The following KIZ variants were observed in gnomAD, a reference collection of about 807,000 sequenced individuals.
KIZ encodes the protein kizuna centrosomal protein, also known as centrosomal protein kizuna.
In KIZ, 68 loss-of-function variants were observed where a neutral mutation model predicts 79.6. The observed-to-expected ratio is 0.85, with a 90% confidence interval of 0.70 to 1.05. The LOEUF (loss-of-function observed/expected upper bound fraction) is 1.05, where lower values mean the gene tolerates loss of function less well. KIZ is among the 50% of genes least tolerant of loss of function. The probability of loss-of-function intolerance (pLI) is 0.00; values close to 1 mark genes in which losing one functional copy is unlikely to be tolerated. For missense variants in KIZ, 797 were observed against 800.4 expected (o/e 1.00, Z 0.05); for synonymous variants, 280 against 281.8 (o/e 0.99, Z 0.06).
At chr20:21,130,112 T>TC (rs113567114) in intron 1 of KIZ, among the ~76,000 whole-genome samples, 1 of 152,162 alleles carries the variant, frequency 6.6e-6, no homozygotes, top group African/African-American at 2.4e-5. Context: ...CCCTTTTTTT[T>TC]CCCCCTGGTC....
intron 11 of KIZ, among the ~76,000 whole-genome samples, chr20:21,238,079 C>A (rs1323053925): frequency 6.6e-6 from 1 of 152,150 alleles, no homozygotes; most frequent in East Asian, 1.9e-4. Context: ...GATCCACTCT[C>A]CTCGGCCTCC....
intron 11 of KIZ, among the ~76,000 whole-genome samples, chr20:21,238,987 T>G (rs749832591): frequency 2.0e-5 from 3 of 152,218 alleles, no homozygotes; most frequent in Non-Finnish European, 4.4e-5. Flanking sequence ...TACTCATCAC[T>G]TCCACTTAGA....
chr20:21,152,989 T>G (rs991779126), intron 4 of KIZ, among the ~76,000 whole-genome samples: 3 of 152,218 alleles, frequency 2.0e-5, no homozygotes, highest in African/African-American at 7.2e-5. Flanking sequence ...GTAATGCAAT[T>G]TGAGTTTGAC....
intron 11 of KIZ, among the ~76,000 whole-genome samples, chr20:21,239,854 G>A (rs1235102427): frequency 1.3e-5 from 2 of 152,240 alleles, no homozygotes; most frequent in East Asian, 1.9e-4. Flanking sequence ...GAGAACACAA[G>A]TGACTTTGAT....
At chr20:21,136,783 G>GT (rs1347166422) in intron 3 of KIZ, among the ~76,000 whole-genome samples, 1 of 151,884 alleles carries the variant, frequency 6.6e-6, no homozygotes, top group Non-Finnish European at 1.5e-5. Context: ...TTTATGTTTT[G>GT]TTTTTAATCT....
rs148938684 is a variant in KIZ at position 21,139,273 on chromosome 20, T to A, written c.315+2721T>A. 4.9e-3 allele frequency among the ~76,000 whole-genome samples: 749 copies of A among 152,250 alleles called. 5 individuals carry two copies. Among genetic ancestry groups the A allele is most frequent in the Non-Finnish European group, 7.4e-3 (500 of 68,014 alleles). On this transcript the variant is annotated intron_variant, in intron 3 of 12. Coordinates refer to ENST00000619189, the MANE Select transcript of KIZ (RefSeq NM_018474.6). ...TTCTTTGATCTGGGGCATAACAAGA[T>A]ATTCCAGGTTTACCTCACATTTTTT...
intron 9 of KIZ, among the ~76,000 whole-genome samples, chr20:21,216,084 G>A (rs2036277245): frequency 6.6e-6 from 1 of 152,176 alleles, no homozygotes; most frequent in Non-Finnish European, 1.5e-5. Context: ...GTTTGCCTCA[G>A]TTACAAAGCC....
intron 11 of KIZ, among the ~76,000 whole-genome samples, chr20:21,240,181 G>C (rs6035816): frequency 7.2e-5 from 11 of 152,078 alleles, no homozygotes; most frequent in Admixed American, 6.5e-5. Flanking sequence ...CTGGAGTGCA[G>C]TGGTGCAATG....
At chr20:21,225,097 ATCAG>A (rs1288090577) in intron 9 of KIZ, among the ~76,000 whole-genome samples, 4 of 152,222 alleles carry the variant, frequency 2.6e-5, no homozygotes, top group African/African-American at 9.6e-5. Flanking sequence ...ATCTCATGTC[ATCAG>A]TCAGGAGTGA....
At chr20:21,160,739 G>T (rs978353933) in intron 4 of KIZ, among the ~76,000 whole-genome samples, 1 of 152,114 alleles carries the variant, frequency 6.6e-6, no homozygotes. Flanking sequence ...GGTTTTTGAG[G>T]GTGAGGACTT....
intron 8 of KIZ, among the ~76,000 whole-genome samples, chr20:21,215,179 A>T (rs2036235115): frequency 6.6e-6 from 1 of 152,246 alleles, no homozygotes; most frequent in Admixed American, 6.5e-5. Context: ...TTGAGCACCC[A>T]GAAACTGTGA....
intron 2 of KIZ, among the ~76,000 whole-genome samples, chr20:21,135,019 C>T (rs2032102330): frequency 6.6e-6 from 1 of 152,200 alleles, no homozygotes; most frequent in African/African-American, 2.4e-5. Context: ...CCTCCCTGGC[C>T]TTTTCAGCTA....
intron 9 of KIZ, among the ~76,000 whole-genome samples, chr20:21,223,643 A>G (rs1238916619): frequency 2.0e-5 from 3 of 150,642 alleles, no homozygotes; most frequent in African/African-American, 4.9e-5. Context: ...AAAAGCAGCC[A>G]TATCCTATTT....
intron 3 of KIZ, among the ~76,000 whole-genome samples, chr20:21,141,450 G>C (rs1246491440): frequency 5.3e-5 from 8 of 151,580 alleles, no homozygotes; most frequent in Admixed American, 5.2e-4. Context: ...TGCTGAGCAA[G>C]GTTGTAGGTG....
chr20:21,245,210 T>C (rs1309687677), intron 12 of KIZ: 1 of 152,230 alleles, frequency 6.6e-6, no homozygotes, highest in Non-Finnish European at 1.5e-5. Context: ...TAACCCAGTA[T>C]GGAAACTGAT....
At chr20:21,190,936 T>C (rs528646900) in intron 6 of KIZ, among the ~76,000 whole-genome samples, 1 of 152,294 alleles carries the variant, frequency 6.6e-6, no homozygotes, top group East Asian at 1.9e-4. Context: ...ATGCTCAGCC[T>C]AGGCCTGAGT....
At chr20:21,181,137 G>A (rs907811348) in intron 6 of KIZ, among the ~76,000 whole-genome samples, 1 of 152,194 alleles carries the variant, frequency 6.6e-6, no homozygotes, top group Non-Finnish European at 1.5e-5. Context: ...AGCATGGCCC[G>A]TATCTGGGAA....
At chr20:21,185,101 C>T (rs1192558336) in intron 6 of KIZ, among the ~76,000 whole-genome samples, 2 of 149,082 alleles carry the variant, frequency 1.3e-5, no homozygotes, top group East Asian at 1.9e-4. Context: ...TGTGTATGCA[C>T]GTGCACGTGC....
intron 6 of KIZ, among the ~76,000 whole-genome samples, chr20:21,204,217 G>A (rs1466764417): frequency 7.5e-6 from 1 of 132,866 alleles, no homozygotes; most frequent in African/African-American, 2.8e-5. Context: ...CCAGGTTCAC[G>A]CCATTCTCCT....
Sources: gnomAD v4.1 joint callset for allele counts (sites outside exome capture counted in the v4.1 genomes callset) on GRCh38, gnomAD v4.1.1 for gene constraint, MANE v1.5 for transcripts, NCBI Gene and HGNC (gene_info 2026-07-23, HGNC 2026-07-21) for gene names.